The following LRP1B variants were observed in gnomAD, a reference collection of about 807,000 sequenced individuals.
LRP1B encodes LDL receptor related protein 1B.
In LRP1B, 217 loss-of-function variants were observed where a neutral mutation model predicts 556.6. The observed-to-expected ratio is 0.39, with a 90% CI of 0.35 to 0.44. LRP1B has a LOEUF of 0.44. LRP1B is among the 20% of genes least tolerant of loss of function. The pLI, the probability that LRP1B is intolerant of heterozygous loss-of-function variation, is 1.00. For synonymous variants in LRP1B, 2,047 were observed against 1,865.8 expected (o/e 1.10, Z -2.50); for missense variants, 5,053 against 5,620.8 (o/e 0.90, Z 3.23).
intron 41 of LRP1B, among the ~76,000 whole-genome samples, chr2:140,677,405 A>G (rs1685708335): frequency 6.6e-6 from 1 of 152,198 alleles, no homozygotes; most frequent in South Asian, 2.1e-4. Flanking sequence ...TTTTTAGTAT[A>G]GAGGAGAAAT....
intron 41 of LRP1B, among the ~76,000 whole-genome samples, chr2:140,645,833 G>A (rs1004297617): frequency 1.3e-5 from 2 of 151,720 alleles, no homozygotes; most frequent in Admixed American, 6.6e-5. Context: ...CCATCGCACC[G>A]GGCCTTGCCA....
chr2:140,628,770 T>C (rs1470948565), intron 41 of LRP1B, among the ~76,000 whole-genome samples: 2 of 152,058 alleles, frequency 1.3e-5, no homozygotes. Context: ...GTGTTGGAGG[T>C]GGGGTCTGGT....
chr2:141,070,128 T>C (rs1699596717), intron 7 of LRP1B, among the ~76,000 whole-genome samples: 1 of 151,876 alleles, frequency 6.6e-6, no homozygotes, highest in African/African-American at 2.4e-5. Context: ...ACAAAGGACA[T>C]GAACTCATCA....
intron 2 of LRP1B, among the ~76,000 whole-genome samples, chr2:141,525,484 C>A (rs1684666157): frequency 6.6e-6 from 1 of 151,860 alleles, no homozygotes; most frequent in African/African-American, 2.4e-5. Flanking sequence ...CAGAAAGCAA[C>A]TTTTGAGGGG....
intron 7 of LRP1B, among the ~76,000 whole-genome samples, chr2:141,100,000 G>GT (rs1296497744): frequency 3.3e-5 from 5 of 152,138 alleles, no homozygotes; most frequent in African/African-American, 1.2e-4. Flanking sequence ...AAATGACATT[G>GT]TCTGAATAAT....
chr2:140,470,365 C>G (rs112752915), intron 60 of LRP1B, among the ~76,000 whole-genome samples: 1 of 151,860 alleles, frequency 6.6e-6, no homozygotes, highest in Non-Finnish European at 1.5e-5. Flanking sequence ...AGATTTGGGC[C>G]GGGCGTGGTG....
intron 2 of LRP1B, among the ~76,000 whole-genome samples, chr2:141,763,286 C>G (rs1001593677): frequency 1.3e-5 from 2 of 151,844 alleles, no homozygotes; most frequent in African/African-American, 2.4e-5. Flanking sequence ...TGTTACAATA[C>G]AATATTTAAC....
chr2:141,464,159 C>A (rs979424375), intron 3 of LRP1B, among the ~76,000 whole-genome samples: 6 of 151,954 alleles, frequency 3.9e-5, no homozygotes, highest in Non-Finnish European at 7.4e-5. Context: ...ACTTTCTTAC[C>A]TGCCCACTCA....
intron 41 of LRP1B, among the ~76,000 whole-genome samples, chr2:140,668,609 A>C (rs1685371030): frequency 6.6e-6 from 1 of 152,120 alleles, no homozygotes; most frequent in Non-Finnish European, 1.5e-5. Context: ...AGCCTCCTTC[A>C]AAATGTATTC....
chr2:142,087,850 A>C (rs1395153315), intron 1 of LRP1B, among the ~76,000 whole-genome samples: 2 of 152,106 alleles, frequency 1.3e-5, no homozygotes. Context: ...ACTTTAAAAG[A>C]ACACTATCTC....
At chr2:141,415,161 C>G (rs1418465825) in intron 3 of LRP1B, among the ~76,000 whole-genome samples, 1 of 152,136 alleles carries the variant, frequency 6.6e-6, no homozygotes, top group African/African-American at 2.4e-5. Context: ...ACTACAGGCT[C>G]CCGCCACCAC....
intron 2 of LRP1B, among the ~76,000 whole-genome samples, chr2:141,528,638 C>T (rs1046638700): frequency 3.3e-5 from 5 of 152,040 alleles, no homozygotes; most frequent in African/African-American, 1.2e-4. Context: ...TGAGTATACA[C>T]AATTTGGAAA....
At chr2:141,451,109 G>A (rs560842158) in intron 3 of LRP1B, among the ~76,000 whole-genome samples, 3 of 152,236 alleles carry the variant, frequency 2.0e-5, no homozygotes, top group East Asian at 1.9e-4. Flanking sequence ...ATACTGGGAC[G>A]ACTGAGGCTA....
chr2:141,618,370 T>C (rs1688385008), intron 2 of LRP1B, among the ~76,000 whole-genome samples: 1 of 152,198 alleles, frequency 6.6e-6, no homozygotes, highest in African/African-American at 2.4e-5. Flanking sequence ...AACAAATGTT[T>C]TATGACGTTT....
intron 1 of LRP1B, among the ~76,000 whole-genome samples, chr2:141,845,535 A>T (rs540533239): frequency 1.3e-5 from 2 of 152,080 alleles, no homozygotes; most frequent in East Asian, 1.9e-4. Flanking sequence ...GGAAGCAGAC[A>T]GAAGTTTAGG....
At chr2:141,570,908 T>C (rs372186826) in intron 2 of LRP1B, among the ~76,000 whole-genome samples, 2 of 150,396 alleles carry the variant, frequency 1.3e-5, no homozygotes, top group Non-Finnish European at 1.5e-5. Flanking sequence ...TGGATCTCCC[T>C]GGGCCTGAGC....
chr2:142,011,227 A>G (rs1702949921), intron 1 of LRP1B, among the ~76,000 whole-genome samples: 2 of 152,194 alleles, frequency 1.3e-5, no homozygotes, highest in African/African-American at 4.8e-5. Context: ...ATATATGCTT[A>G]AAATCGTATT....
At chr2:142,094,987 A>G (rs980386833) in intron 1 of LRP1B, among the ~76,000 whole-genome samples, 1 of 151,826 alleles carries the variant, frequency 6.6e-6, no homozygotes, top group African/African-American at 2.4e-5. Flanking sequence ...TACAATGAAT[A>G]TTTGTAGCAT....
intron 2 of LRP1B, among the ~76,000 whole-genome samples, chr2:141,677,986 A>C (rs1207292277): frequency 2.0e-5 from 3 of 152,172 alleles, no homozygotes; most frequent in African/African-American, 7.2e-5. Context: ...GGGATGTAAT[A>C]GATATTTCCT....
Sources: gnomAD v4.1 joint callset for allele counts (sites outside exome capture counted in the v4.1 genomes callset) on GRCh38, gnomAD v4.1.1 for gene constraint, MANE v1.5 for transcripts, NCBI Gene and HGNC (gene_info 2026-07-23, HGNC 2026-07-21) for gene names.